EIF2AK2: variants seen among roughly 807,000 people sequenced by gnomAD.
The protein encoded by EIF2AK2 is eukaryotic translation initiation factor 2 alpha kinase 2.
EIF2AK2 carries 40 observed loss-of-function variants against 70.5 expected under a neutral mutation model. That is an observed-to-expected ratio of 0.57 (90% confidence interval 0.44 to 0.74). The LOEUF is 0.74. EIF2AK2 is among the 30% of genes least tolerant of loss of function. The pLI is 0.00. For synonymous variants in EIF2AK2, 198 were observed against 220.9 expected, an observed-to-expected ratio of 0.90 and a Z score of 0.92; for missense variants, 555 against 644.3, an observed-to-expected ratio of 0.86 and a Z score of 1.50.
intron 13 of EIF2AK2, 57 bp from the exon 14 acceptor site, chr2:37,114,916 G>T: frequency 8.3e-7 from 1 of 1,210,618 alleles, no homozygotes. Flanking sequence ...ATTACCACAT[G>T]TCTTAATTAT....
intron 12 of EIF2AK2, among the ~76,000 whole-genome samples, chr2:37,120,349 CAA>C (rs1333690420): frequency 3.9e-4 from 59 of 151,044 alleles, no homozygotes; most frequent in Non-Finnish European, 5.9e-4. Context: ...ACTAAAAATA[CAA>C]AAAATTAGCC....
At chr2:37,140,538 G>A (rs1286186609) in intron 5 of EIF2AK2, among the ~76,000 whole-genome samples, 1 of 151,836 alleles carries the variant, frequency 6.6e-6, no homozygotes, top group African/African-American at 2.4e-5. Flanking sequence ...GCTAGACCCT[G>A]AATTAAATAG....
chr2:37,112,801 T>C (rs888031928), intron 14 of EIF2AK2, among the ~76,000 whole-genome samples: 4 of 152,198 alleles, frequency 2.6e-5, no homozygotes, highest in African/African-American at 7.2e-5. Context: ...TTTTTATGCC[T>C]ACAATTCAGT....
rs1448736794 is a variant in EIF2AK2, at chr2:37,100,206, G to A, written c.*7067C>T. The A allele has an allele frequency of 6.6e-6, 1 of 152,204 alleles. No individual in the cohort carries two copies. The highest frequency in any genetic ancestry group is 1.9e-4 in the East Asian group (1 of 5,202). 9.4% of individuals were successfully genotyped at this position (152,204 alleles called of 1,614,324 possible). A position where few individuals can be genotyped will look rare whatever the true frequency, so the allele number is the denominator to read the frequency against. On this transcript the variant is annotated 3_prime_UTR_variant, in exon 17 of 17. Transcript: ENST00000233057. ...GCCACTGAGTGCAAAAGCCTGTTGA[G>A]GTAAAACTGCAGACCTGCATGGGTG...
At chr2:37,119,566 T>C (rs1311397173) in intron 13 of EIF2AK2, among the ~76,000 whole-genome samples, 1 of 151,626 alleles carries the variant, frequency 6.6e-6, no homozygotes, top group Non-Finnish European at 1.5e-5. Flanking sequence ...GAAAAAAATA[T>C]ATATCTATCT....
chr2:37,106,000 GA>G lies in EIF2AK2; in HGVS notation c.*1272del, dbSNP rs1354600998. Reference sequence around the variant, plus strand: ...TACAATAGATACAAAATGTATTTAAGATAAAAGGTATAACTATGCAGCAAAC... The same window carrying G: ...TACAATAGATACAAAATGTATTTAAGTAAAAGGTATAACTATGCAGCAAAC... On this transcript the variant is annotated 3_prime_UTR_variant, in exon 17 of 17. Transcript: ENST00000233057. 7 of 152,208 alleles carry G rather than the reference GA, an allele frequency of 4.6e-5. No individual in the cohort carries two copies. The highest frequency in any genetic ancestry group is 3.3e-4 in the Admixed American group (5 of 15,284). 9.4% of individuals were successfully genotyped at this position (152,208 alleles called of 1,614,324 possible). A position where few individuals can be genotyped will look rare whatever the true frequency, so the allele number is the denominator to read the frequency against.
chr2:37,153,742 C>T (rs1002371627), intron 1 of EIF2AK2, among the ~76,000 whole-genome samples: 1 of 152,184 alleles, frequency 6.6e-6, no homozygotes, highest in Non-Finnish European at 1.5e-5. Flanking sequence ...TGAATGGACA[C>T]TGGTTATTTC....
chr2:37,107,766 T>G (rs1674012495), intron 15 of EIF2AK2, among the ~76,000 whole-genome samples: 1 of 152,174 alleles, frequency 6.6e-6, no homozygotes, highest in Non-Finnish European at 1.5e-5. Flanking sequence ...TCATGCATTT[T>G]GGAACCCTAA....
chr2:37,108,358 T>C (rs1357198728), intron 15 of EIF2AK2, among the ~76,000 whole-genome samples: 1 of 152,112 alleles, frequency 6.6e-6, no homozygotes, highest in Non-Finnish European at 1.5e-5. Context: ...CCCGCCTCCA[T>C]GCTAGAATCA....
At chr2:37,130,444 C>T (rs1207574030) in intron 10 of EIF2AK2, among the ~76,000 whole-genome samples, 1 of 152,160 alleles carries the variant, frequency 6.6e-6, no homozygotes, top group Non-Finnish European at 1.5e-5. Context: ...CCCCACAATA[C>T]TCCTATTCTC....
intron 1 of EIF2AK2, among the ~76,000 whole-genome samples, chr2:37,151,612 G>T (rs1020907899): frequency 6.6e-6 from 1 of 152,162 alleles, no homozygotes; most frequent in African/African-American, 2.4e-5. Flanking sequence ...TGGAAAACAG[G>T]TTTCCAAACA....
chr2:37,144,236 G>T (rs1675442898), intron 4 of EIF2AK2, among the ~76,000 whole-genome samples: 1 of 152,022 alleles, frequency 6.6e-6, no homozygotes, highest in Non-Finnish European at 1.5e-5. Flanking sequence ...CTGTTCTACA[G>T]TCTTATAAAA....
rs1478618145 is a variant in EIF2AK2, at chr2:37,102,835, T to C, written c.*4438A>G. On this transcript the variant is annotated 3_prime_UTR_variant, in exon 17 of 17. Coordinates refer to ENST00000233057, the MANE Select transcript of EIF2AK2 (RefSeq NM_001135651.3). ...TATATGCATATATTGTGTACATATG[T>C]ATATACATTGAATATATTTAACATA... The C allele has an allele frequency of 6.6e-6, 1 of 152,230 alleles. No homozygotes were observed. The highest frequency in any genetic ancestry group is 1.9e-4 in the East Asian group (1 of 5,202). The allele number at this position is 152,230 out of a possible 1,614,324, so 9.4% of individuals were successfully genotyped here.
chr2:37,109,443 A>G, intron 14 of EIF2AK2, 148 bp from the exon 15 acceptor site: 2 of 631,524 alleles, frequency 3.2e-6, no homozygotes, highest in Admixed American at 3.0e-5. Flanking sequence ...CTGACTGCCT[A>G]GGTTCAAATC....
At chr2:37,151,666 C>G (rs1675745465) in intron 1 of EIF2AK2, among the ~76,000 whole-genome samples, 1 of 152,080 alleles carries the variant, frequency 6.6e-6, no homozygotes, top group African/African-American at 2.4e-5. Context: ...TTAACAATAG[C>G]CAAAAGGTGG....
intron 8 of EIF2AK2, 38 bp downstream of exon 8, chr2:37,138,232 A>G (rs918691423): frequency 6.7e-7 from 1 of 1,486,018 alleles, no homozygotes; most frequent in African/African-American, 1.4e-5. Context: ...GCACAGAAAA[A>G]TAAGATTAAG....
chr2:37,114,160 C>A (rs1674254726), intron 14 of EIF2AK2, among the ~76,000 whole-genome samples: 1 of 151,870 alleles, frequency 6.6e-6, no homozygotes, highest in African/African-American at 2.4e-5. Context: ...TAGCTGGGCA[C>A]AGTGGTATGT....
chr2:37,123,331 A>C (rs1314313633), intron 11 of EIF2AK2, among the ~76,000 whole-genome samples: 4 of 151,764 alleles, frequency 2.6e-5, no homozygotes, highest in Non-Finnish European at 5.9e-5. Context: ...CAGTGGCACA[A>C]TCTTGGCTCA....
At chr2:37,143,980 A>G (rs1337433483) in intron 4 of EIF2AK2, among the ~76,000 whole-genome samples, 2 of 152,242 alleles carry the variant, frequency 1.3e-5, no homozygotes, top group Non-Finnish European at 2.9e-5. Context: ...CTAAAGGATA[A>G]TCATGTACTA....
Sources: gnomAD v4.1 joint callset for allele counts (sites outside exome capture counted in the v4.1 genomes callset) on GRCh38, gnomAD v4.1.1 for gene constraint, MANE v1.5 for transcripts, NCBI Gene and HGNC (gene_info 2026-07-23, HGNC 2026-07-21) for gene names.